The following SLC7A2 variants were observed in gnomAD, a reference collection of about 807,000 sequenced individuals.
The protein encoded by SLC7A2 is cationic amino acid transporter 2.
SLC7A2 carries 48 observed loss-of-function variants against 58.9 expected under a neutral mutation model. The observed-to-expected ratio is 0.82, with a 90% CI of 0.65 to 1.04. The LOEUF (loss-of-function observed/expected upper bound fraction) is 1.04. SLC7A2 is among the 50% of genes least tolerant of loss of function. The pLI is 0.00. For missense variants in SLC7A2, 1,029 were observed against 818.8 expected (o/e 1.26, Z -3.13); for synonymous variants, 363 against 314.5 (o/e 1.15, Z -1.63).
intron 1 of SLC7A2, chr8:17,500,559 T>C (rs1800112552): frequency 6.6e-6 from 1 of 152,232 alleles, no homozygotes; most frequent in Non-Finnish European, 1.5e-5. Flanking sequence ...CCATGGCACA[T>C]GTATACCTAT....
chr8:17,554,525 G>A, intron 7 of SLC7A2, 35 bp from the exon 8 acceptor site: 1 of 1,518,578 alleles, frequency 6.6e-7, no homozygotes. Context: ...TTGCATGAAT[G>A]TTTGCCATAC....
chr8:17,509,146 C>T (rs1207858365), intron 2 of SLC7A2, among the ~76,000 whole-genome samples: 2 of 152,090 alleles, frequency 1.3e-5, no homozygotes, highest in African/African-American at 2.4e-5. Context: ...GCCTTTCCTT[C>T]ATCATGTCAT....
intron 2 of SLC7A2, among the ~76,000 whole-genome samples, chr8:17,502,834 A>G (rs1182255687): frequency 6.6e-6 from 1 of 152,152 alleles, no homozygotes; most frequent in Non-Finnish European, 1.5e-5. Flanking sequence ...ACACTGCTAT[A>G]ATACCATGAT....
intron 2 of SLC7A2, among the ~76,000 whole-genome samples, chr8:17,516,600 A>G (rs1404794598): frequency 6.6e-6 from 1 of 152,170 alleles, no homozygotes; most frequent in Non-Finnish European, 1.5e-5. Context: ...GGTAACTCGT[A>G]GAGATTATTA....
chr8:17,555,583 A>G (rs1201542884), intron 8 of SLC7A2, among the ~76,000 whole-genome samples: 2 of 151,808 alleles, frequency 1.3e-5, no homozygotes, highest in Non-Finnish European at 2.9e-5. Context: ...AAGATGATTT[A>G]TGCTTGGCCC....
chr8:17,555,091 T>C, intron 8 of SLC7A2: 15 of 1,613,218 alleles, frequency 9.3e-6, no homozygotes, highest in Non-Finnish European at 1.3e-5. Context: ...TGGTAAGCTT[T>C]ACAAACTTAG....
chr8:17,563,991 A>G (rs1164129713), intron 12 of SLC7A2, among the ~76,000 whole-genome samples: 1 of 152,190 alleles, frequency 6.6e-6, no homozygotes, highest in Non-Finnish European at 1.5e-5. Context: ...AAAACTCACA[A>G]CCAATTTTCT....
intron 1 of SLC7A2, chr8:17,500,078 A>T (rs1800093034): frequency 6.6e-6 from 1 of 152,160 alleles, no homozygotes; most frequent in African/African-American, 2.4e-5. Flanking sequence ...GTAATGTGTA[A>T]CTCCGGTTTT....
chr8:17,550,473 C>T (rs1354484555), intron 6 of SLC7A2, 39 bp downstream of exon 6: 2 of 1,593,108 alleles, frequency 1.3e-6, no homozygotes, highest in Admixed American at 1.7e-5. Context: ...AAGGAGTGTT[C>T]CTTGTTGTGC....
chr8:17,555,009 G>C lies in SLC7A2; in HGVS notation c.1195+310G>C, dbSNP rs201547891. ...TTGCCATGGCCCGGGATGGCTTACT[G>C]TTTAGATTTCTTGCCAGAGTGAGTA... On this transcript the variant is annotated intron_variant, in intron 8 of 12. Coordinates refer to ENST00000494857, the MANE Select transcript of SLC7A2 (RefSeq NM_001370338.1). The C allele has an allele frequency of 4.6e-5, 74 of 1,614,016 alleles. No individual in the cohort carries two copies. In the African/African-American group the frequency reaches 8.9e-4, roughly 19 times the overall value.
intron 1 of SLC7A2, among the ~76,000 whole-genome samples, chr8:17,498,312 C>T (rs1194503170): frequency 6.6e-6 from 1 of 152,144 alleles, no homozygotes; most frequent in Non-Finnish European, 1.5e-5. Context: ...ATGTATGTGG[C>T]CTTGACTTGA....
At chr8:17,532,051 A>G (rs1343543703) in intron 2 of SLC7A2, among the ~76,000 whole-genome samples, 1 of 151,702 alleles carries the variant, frequency 6.6e-6, no homozygotes, top group Non-Finnish European at 1.5e-5. Flanking sequence ...AACGTGGTGA[A>G]ACCCCATCTC....
rs200819310 is a variant in SLC7A2, at chr8:17,544,412, C to G, written c.377-39C>G. Reference sequence around the variant, plus strand: ...TAGCAAATGATGCTACTTTAATTTGCCCCCAGTGACTTCGTATTCTCTGTT... The same window carrying G: ...TAGCAAATGATGCTACTTTAATTTGGCCCCAGTGACTTCGTATTCTCTGTT... On this transcript the variant is annotated intron_variant, in intron 3 of 12. Transcript: ENST00000494857. 3 of 1,588,076 alleles carry G rather than the reference C, an allele frequency of 1.9e-6. No homozygotes were observed. The Admixed American group carries it at 5.2e-5, about 28-fold the overall frequency.
chr8:17,561,116 G>T (rs558770991), intron 10 of SLC7A2, among the ~76,000 whole-genome samples: 1 of 152,318 alleles, frequency 6.6e-6, no homozygotes, highest in African/African-American at 2.4e-5. Flanking sequence ...TTGATGGTCA[G>T]AGATGGGGTG....
rs756530401 is a variant in SLC7A2 at position 17,560,397 on chromosome 8, C to G, written c.1368C>G (p.Pro456=). 5 of 1,614,134 alleles carry G rather than the reference C, an allele frequency of 3.1e-6. No homozygotes were observed. The highest frequency in any genetic ancestry group is 1.1e-5 in the South Asian group (1 of 91,086). The change falls in exon 10 of 13, where the codon CCC becomes CCG. Residue 456 remains proline, a synonymous_variant. Transcript: ENST00000494857. ...AGAAAGATGGTCTGGGATCGTCTCC[C>G]AGGGTAACCTCGAAGAGTGAGTCCC... ...SPEKDGLGSS[P]RVTSKSESQV... is the part of the protein sequence containing the mutation.
At chr8:17,532,687 A>C (rs1270821851) in intron 2 of SLC7A2, among the ~76,000 whole-genome samples, 2 of 152,240 alleles carry the variant, frequency 1.3e-5, no homozygotes, top group Non-Finnish European at 2.9e-5. Flanking sequence ...AATAAGTAGA[A>C]TAGAAATGTG....
Position 17,566,334 on chromosome 8 carries a change from C to G in SLC7A2, c.*1188C>G, listed in dbSNP as rs565930450. 6.6e-6 allele frequency: 1 copy of G among 152,236 alleles called. No individual in the cohort carries two copies. Among genetic ancestry groups the G allele is most frequent in the East Asian group, 1.9e-4 (1 of 5,168 alleles). 9.4% of individuals were successfully genotyped at this position (152,236 alleles called of 1,614,324 possible). A position where few individuals can be genotyped will look rare whatever the true frequency, so the allele number is the denominator to read the frequency against. On this transcript the variant is annotated 3_prime_UTR_variant, in exon 13 of 13. Coordinates refer to ENST00000494857, the MANE Select transcript of SLC7A2 (RefSeq NM_001370338.1). ...GAAGGGATAGAAGAAGAGAAAATCC[C>G]CCTGTTCTGATAGGAACGGCCTGTT... is the stretch of plus-strand genomic sequence containing the variant.
intron 8 of SLC7A2, among the ~76,000 whole-genome samples, chr8:17,555,864 T>C (rs1040273320): frequency 1.3e-5 from 2 of 152,152 alleles, no homozygotes; most frequent in Admixed American, 6.5e-5. Context: ...TTAAAGGTAC[T>C]GTTACAGGAA....
At chr8:17,509,041 G>A (rs1800488551) in intron 2 of SLC7A2, among the ~76,000 whole-genome samples, 1 of 152,154 alleles carries the variant, frequency 6.6e-6, no homozygotes, top group Non-Finnish European at 1.5e-5. Flanking sequence ...TATTACTAAA[G>A]TGGAGGCAGC....
Sources: allele counts gnomAD v4.1 joint callset (sites outside exome capture counted in the v4.1 genomes callset), GRCh38; gene constraint gnomAD v4.1.1; transcripts MANE v1.5; gene names NCBI Gene and HGNC (gene_info 2026-07-23, HGNC 2026-07-21).